Variants in DMGDH observed in about 807,000 individuals in gnomAD.
DMGDH encodes dimethylglycine dehydrogenase, also known as dimethylglycine dehydrogenase, mitochondrial.
Under a neutral mutation model 95.2 loss-of-function variants are expected in DMGDH, and 76 were observed. The ratio of observed to expected loss-of-function variants is 0.80; its 90% CI spans 0.66 to 0.97. DMGDH has a LOEUF of 0.97. Ranked by LOEUF, DMGDH falls within the 50% of genes least tolerant of loss-of-function variation. DMGDH has a pLI of 0.00. For synonymous variants in DMGDH, 345 were observed against 377.6 expected, an observed-to-expected ratio of 0.91 and a Z score of 1.00; for missense variants, 987 against 1,055.0, an observed-to-expected ratio of 0.94 and a Z score of 0.89.
In DMGDH at chr5:79,000,697, C is replaced by T. The variant is rs1753437956; in HGVS notation, c.2386-2400G>A. The T allele has an allele frequency of 8.1e-6, 5 of 613,880 alleles. No individual in the cohort carries two copies. The Admixed American group carries it at 8.2e-5, about 10-fold the overall frequency. 38.0% of individuals were successfully genotyped at this position (613,880 alleles called of 1,614,324 possible). On this transcript the variant is annotated intron_variant, in intron 15 of 15. Transcript: ENST00000255189. ...CTGAGGTTTTTGTATTGGAACATCT[C>T]TTATTTTCTCCACTCACAGGTAAAG...
intron 9 of DMGDH, 23 bp downstream of exon 9, chr5:79,032,664 G>T (rs1561217008): frequency 1.2e-6 from 2 of 1,614,090 alleles, no homozygotes. Flanking sequence ...CAGAACCACA[G>T]GCAGGTAAAG....
chr5:79,000,092 C>G, intron 15 of DMGDH: 1 of 410,880 alleles, frequency 2.4e-6, no homozygotes, highest in Non-Finnish European at 4.7e-6. Context: ...TTCACTTACT[C>G]CATTACTCAG....
chr5:79,016,104 G>GGC (rs1753728795), intron 14 of DMGDH, among the ~76,000 whole-genome samples: 1 of 152,064 alleles, frequency 6.6e-6, no homozygotes, highest in Non-Finnish European at 1.5e-5. Flanking sequence ...TGGGTGTGGT[G>GGC]GTGCATGTCT....
chr5:79,030,793 G>C, intron 10 of DMGDH, 40 bp downstream of exon 10: 7 of 1,607,798 alleles, frequency 4.4e-6, no homozygotes, highest in Non-Finnish European at 6.0e-6. Context: ...AATTAAATAG[G>C]TCAGAATCCT....
At chr5:79,064,511 T>C (rs899514803) in intron 1 of DMGDH, among the ~76,000 whole-genome samples, 2 of 152,198 alleles carry the variant, frequency 1.3e-5, no homozygotes, top group East Asian at 1.9e-4. Context: ...GTAGACTTTA[T>C]CAACACTGTA....
intron 13 of DMGDH, among the ~76,000 whole-genome samples, chr5:79,025,135 A>G (rs1238640060): frequency 2.6e-5 from 4 of 152,250 alleles, no homozygotes; most frequent in Admixed American, 2.0e-4. Context: ...AATGAAGCAC[A>G]GAGGATTGCA....
At chr5:79,007,988 G>C (rs574725825) in intron 14 of DMGDH, among the ~76,000 whole-genome samples, 9 of 152,128 alleles carry the variant, frequency 5.9e-5, no homozygotes, top group African/African-American at 2.2e-4. Context: ...TGTTTTAACA[G>C]AAAAAAAGAA....
chr5:79,000,872 G>C (rs1199141074), intron 15 of DMGDH: 1 of 648,048 alleles, frequency 1.5e-6, no homozygotes, highest in African/African-American at 1.8e-5. Flanking sequence ...TCAATAAATG[G>C]ACAAGTTCTT....
chr5:79,015,287 C>T (rs1438812397), intron 14 of DMGDH, among the ~76,000 whole-genome samples: 1 of 152,212 alleles, frequency 6.6e-6, no homozygotes, highest in Non-Finnish European at 1.5e-5. Context: ...TCTTCTCCAT[C>T]CTATGGCCAC....
rs754161137 is a variant in DMGDH, at chr5:79,026,463, G to A, written c.2151C>T (p.Ala717=). 5.6e-6 allele frequency: 9 copies of A among 1,613,988 alleles called. No individual in the cohort carries two copies. The South Asian group carries it at 8.8e-5, about 16-fold the overall frequency. The change falls in exon 13 of 16, where the codon GCC becomes GCT. Residue 717 remains alanine (A), a synonymous_variant. Transcript: ENST00000255189. ...CTCTGAAGGCTTTCTCCAGGCGTAAGGCATTCATGGCATAGGTTCCAAAAT... is the reference window on the plus strand; with the variant it reads ...CTCTGAAGGCTTTCTCCAGGCGTAAAGCATTCATGGCATAGGTTCCAAAAT... ...IDNFGTYAMN[A]LRLEKAFRAW... is the part of the protein sequence containing the mutation.
intron 14 of DMGDH, among the ~76,000 whole-genome samples, chr5:79,009,134 A>C (rs1753598238): frequency 6.6e-6 from 1 of 152,158 alleles, no homozygotes; most frequent in Non-Finnish European, 1.5e-5. Flanking sequence ...GAATGAATTT[A>C]CTATAAAATA....
chr5:79,003,286 T>C (rs1271842445), intron 15 of DMGDH, among the ~76,000 whole-genome samples: 3 of 152,172 alleles, frequency 2.0e-5, no homozygotes, highest in Non-Finnish European at 4.4e-5. Context: ...TGGCTTCATT[T>C]TACAGATGAG....
intron 5 of DMGDH, among the ~76,000 whole-genome samples, chr5:79,048,296 A>G (rs976604348): frequency 6.6e-6 from 1 of 152,176 alleles, no homozygotes; most frequent in African/African-American, 2.4e-5. Context: ...TCAGTTGGCA[A>G]TGTCTATGTC....
chr5:79,069,606 G>A lies in DMGDH; in HGVS notation c.15C>T (p.Gly5=). The stretch of plus-strand genomic sequence containing the variant: ...GCAGGAGGCCCCGCAGCAGCTGCGC[G>A]CCGGGACGGAGCATGACTAGGCCGA... MLRP[G]AQLLRGLLLR... is the part of the protein sequence containing the mutation. Residue 5 remains glycine, a synonymous_variant, in exon 1 of 16, where the codon GGC becomes GGT. Transcript: ENST00000255189. 4.4e-6 allele frequency: 6 copies of A among 1,373,000 alleles called. No homozygotes were observed. The highest frequency in any genetic ancestry group is 1.5e-5 in the African/African-American group (1 of 66,852). 85.1% of individuals were successfully genotyped at this position (1,373,000 alleles called of 1,614,324 possible). A position where few individuals can be genotyped will look rare whatever the true frequency, so the allele number is the denominator to read the frequency against.
intron 5 of DMGDH, among the ~76,000 whole-genome samples, chr5:79,045,504 A>G (rs1754645232): frequency 6.6e-6 from 1 of 152,328 alleles, no homozygotes; most frequent in Non-Finnish European, 1.5e-5. Flanking sequence ...ACATCCTGTA[A>G]TCATCACATC....
chr5:79,066,250 T>C (rs1321575750), intron 1 of DMGDH, among the ~76,000 whole-genome samples: 1 of 152,182 alleles, frequency 6.6e-6, no homozygotes, highest in Non-Finnish European at 1.5e-5. Flanking sequence ...TTGTGTTTTA[T>C]GACCTTCACA....
chr5:79,015,317 G>A (rs906393709), intron 14 of DMGDH, among the ~76,000 whole-genome samples: 1 of 151,952 alleles, frequency 6.6e-6, no homozygotes, highest in Non-Finnish European at 1.5e-5. Flanking sequence ...TGAAGTCTTC[G>A]CCTTCTCTCC....
At chr5:79,002,878 T>C (rs1217525161) in intron 15 of DMGDH, among the ~76,000 whole-genome samples, 1 of 152,208 alleles carries the variant, frequency 6.6e-6, no homozygotes, top group African/African-American at 2.4e-5. Flanking sequence ...GGCAAACTCA[T>C]ATTAGGAAAT....
intron 14 of DMGDH, among the ~76,000 whole-genome samples, chr5:79,023,701 T>C (rs531118667): frequency 1.3e-5 from 2 of 152,348 alleles, no homozygotes; most frequent in African/African-American, 4.8e-5. Flanking sequence ...TTATCGGTTA[T>C]GATTATTTGG....
Sources: gnomAD v4.1 joint callset for allele counts (sites outside exome capture counted in the v4.1 genomes callset) on GRCh38, gnomAD v4.1.1 for gene constraint, MANE v1.5 for transcripts, NCBI Gene and HGNC (gene_info 2026-07-23, HGNC 2026-07-21) for gene names.